Variants in FDFT1 observed in about 807,000 individuals in gnomAD.
FDFT1 encodes the protein squalene synthase.
FDFT1 carries 68 observed loss-of-function variants against 46.8 expected under a neutral mutation model. That is an observed-to-expected ratio of 1.45 (90% confidence interval 1.19 to 1.78). FDFT1 has a LOEUF of 1.78. FDFT1 is among the 40% of genes most tolerant of loss of function. FDFT1 has a pLI of 0.00. For missense variants in FDFT1, 928 were observed against 524.4 expected, an observed-to-expected ratio of 1.77 and a Z score of -7.52; for synonymous variants, 351 against 185.1, an observed-to-expected ratio of 1.90 and a Z score of -7.28.
chr8:11,826,830 G>A (rs1340818153), intron 5 of FDFT1, among the ~76,000 whole-genome samples: 1 of 152,074 alleles, frequency 6.6e-6, no homozygotes, highest in African/African-American at 2.4e-5. Flanking sequence ...AAGAGGAAGG[G>A]CTTGGTTCTT....
At position 11,824,650 on chromosome 8, in the gene FDFT1, C is replaced by G. The variant is rs1364035064; in HGVS notation, c.511-1374C>G. Among the ~76,000 whole-genome samples the G allele has an allele frequency of 2.6e-5, 4 of 152,088 alleles. No homozygotes were observed. The East Asian group carries it at 7.7e-4, about 29-fold the overall frequency. ...GGCAAGTTAAATCGACTTCTTTGTG[C>G]CTCAGTTTCCTCATCTGAAATGGAG... On this transcript the variant is annotated intron_variant, in intron 4 of 7. Coordinates refer to ENST00000220584, the MANE Select transcript of FDFT1 (RefSeq NM_004462.5).
intron 1 of FDFT1, among the ~76,000 whole-genome samples, chr8:11,804,600 CTTTTTT>C (rs5889385): frequency 1.1e-4 from 11 of 97,354 alleles, no homozygotes; most frequent in Middle Eastern, 6.5e-3. Flanking sequence ...CTTAGTTTCT[CTTTTTT>C]TTTTTTTTTT....
rs778078365 is a variant in FDFT1, at chr8:11,830,394, G to C, written c.853G>C (p.Val285Leu). The C allele has an allele frequency of 6.2e-7, 1 of 1,613,704 alleles. No homozygotes were observed. The highest frequency in any genetic ancestry group is 2.2e-5 in the East Asian group (1 of 44,882). ...TYLSRLRNQSVFNFCAIPQVM... is the reference protein window; with the variant it reads ...TYLSRLRNQSLFNFCAIPQVM... ...CCTTTCGAGACTCAGAAACCAGAGT[G>C]TGTTTAACTTCTGTGCTATTCCACA... The change falls in exon 6 of 8, where the codon GTG becomes CTG. Residue 285 changes from valine (V) to leucine (L), a missense_variant. Coordinates refer to ENST00000220584, the MANE Select transcript of FDFT1 (RefSeq NM_004462.5).
intron 7 of FDFT1, among the ~76,000 whole-genome samples, chr8:11,832,576 AGT>A (rs1810981848): frequency 3.7e-5 from 5 of 134,842 alleles, no homozygotes; most frequent in Non-Finnish European, 4.7e-5. Context: ...AAAAAAAAAA[AGT>A]CTTAGAGACC....
At chr8:11,796,753 T>C (rs1805601595) in intron 1 of FDFT1, among the ~76,000 whole-genome samples, 1 of 152,224 alleles carries the variant, frequency 6.6e-6, no homozygotes, top group South Asian at 2.1e-4. Flanking sequence ...GCTGCTGAGG[T>C]TGTGGTTTTC....
intron 1 of FDFT1, 137 bp downstream of exon 1, chr8:11,803,068 T>C: frequency 1.4e-6 from 2 of 1,449,456 alleles, no homozygotes; most frequent in South Asian, 2.9e-5. Flanking sequence ...CCGTCCCCCT[T>C]TCCTCGAGCC....
At chr8:11,800,842 G>C (rs928235310), upstream of FDFT1, among the ~76,000 whole-genome samples, 3 of 152,150 alleles carry the variant, frequency 2.0e-5, no homozygotes, top group African/African-American at 7.2e-5. Flanking sequence ...TTTTTATACC[G>C]TCATGGCTGG....
chr8:11,814,036 T>C (rs1808101143), intron 3 of FDFT1, among the ~76,000 whole-genome samples: 1 of 152,200 alleles, frequency 6.6e-6, no homozygotes, highest in Admixed American at 6.5e-5. Context: ...ATAGGTGAAG[T>C]TCAGAAGTGA....
At chr8:11,804,908 CTTTT>C (rs34874686) in intron 1 of FDFT1, among the ~76,000 whole-genome samples, 2,378 of 111,422 alleles carry the variant, frequency 0.021, 39 homozygotes, top group Non-Finnish European at 0.034. Context: ...TGCACCCGGC[CTTTT>C]TTTTTTTTTT....
intron 3 of FDFT1, 104 bp from the exon 4 acceptor site, chr8:11,821,646 A>G (rs766573123): frequency 6.6e-5 from 88 of 1,330,420 alleles, no homozygotes; most frequent in Non-Finnish European, 9.1e-5. Context: ...TTATAGATGA[A>G]CCATTGCAGT....
At chr8:11,818,741 G>GT (rs991504750) in intron 3 of FDFT1, among the ~76,000 whole-genome samples, 3 of 151,528 alleles carry the variant, frequency 2.0e-5, no homozygotes, top group Non-Finnish European at 4.4e-5. Flanking sequence ...TTGAGCCTAT[G>GT]TGCATCTCTG....
chr8:11,802,723 C>A (rs967397649), upstream of FDFT1: 6 of 834,458 alleles, frequency 7.2e-6, no homozygotes, highest in Admixed American at 2.1e-5. Flanking sequence ...GGCCTGCCCC[C>A]TGTCCGGCCA....
chr8:11,836,676 A>C (rs1452779782), intron 7 of FDFT1, among the ~76,000 whole-genome samples: 1 of 152,272 alleles, frequency 6.6e-6, no homozygotes, highest in African/African-American at 2.4e-5. Context: ...CAACATGGGC[A>C]GGCAGAAGGA....
chr8:11,800,716 C>G (rs928234200), upstream of FDFT1, among the ~76,000 whole-genome samples: 3 of 152,166 alleles, frequency 2.0e-5, no homozygotes, highest in African/African-American at 4.8e-5. Context: ...TCATAGCTAG[C>G]AGATATTTAA....
intron 7 of FDFT1, among the ~76,000 whole-genome samples, chr8:11,835,202 C>G (rs1406797297): frequency 6.6e-6 from 1 of 152,182 alleles, no homozygotes; most frequent in African/African-American, 2.4e-5. Context: ...CCTTGACAAG[C>G]AGATGTAACT....
At chr8:11,809,544 C>G in intron 2 of FDFT1, 123 bp from the exon 3 acceptor site, 2 of 1,296,426 alleles carry the variant, frequency 1.5e-6, no homozygotes, top group Non-Finnish European at 2.0e-6. Flanking sequence ...CGTTGGATAT[C>G]CTTATAGTTC....
At chr8:11,795,754 A>G (rs569288176) in exon 1 of FDFT1, 1 of 152,364 alleles carries the variant, frequency 6.6e-6, no homozygotes, top group East Asian at 1.9e-4. Flanking sequence ...GGAGAAACAA[A>G]CAACTCCAGA....
At chr8:11,828,331 C>T (rs561572371) in intron 5 of FDFT1, among the ~76,000 whole-genome samples, 15 of 152,138 alleles carry the variant, frequency 9.9e-5, no homozygotes, top group Middle Eastern at 3.2e-3. Context: ...AAAACACTTC[C>T]CTCAGCTCAG....
Position 11,802,912 on chromosome 8 carries a change from T to G in FDFT1, c.80T>G (p.Val27Gly), listed in dbSNP as rs748626976. Residue 27 changes from valine (V) to glycine (G), a missense_variant, in exon 1 of 8, where the codon GTG becomes GGG. By Grantham distance (109) the Val-to-Gly change is moderately radical. Coordinates refer to ENST00000220584, the MANE Select transcript of FDFT1 (RefSeq NM_004462.5). The part of the protein sequence containing the change: ...VRFRIGGKRK[V>G]MPKMDQDSLS... ...TTCCGGATCGGGGGCAAGCGGAAGG[T>G]GATGCCCAAGATGGACCAGGTGGGC... 1.1e-5 allele frequency: 17 copies of G among 1,609,956 alleles called. No individual in the cohort carries two copies. The highest frequency in any genetic ancestry group is 8.5e-7 in the Non-Finnish European group (1 of 1,178,210).
Sources: gnomAD v4.1 joint callset for allele counts (sites outside exome capture counted in the v4.1 genomes callset) on GRCh38, gnomAD v4.1.1 for gene constraint, MANE v1.5 for transcripts, NCBI Gene and HGNC (gene_info 2026-07-23, HGNC 2026-07-21) for gene names.